FADS2: variants seen among roughly 807,000 people sequenced by gnomAD.
FADS2 encodes the protein acyl-CoA 6-desaturase.
FADS2 carries 18 observed loss-of-function variants against 61.2 expected under a neutral mutation model. The observed-to-expected ratio is 0.29, with a 90% CI of 0.20 to 0.44. FADS2 has a LOEUF of 0.44. Among genes scored for constraint, FADS2 ranks in the 20% least tolerant of loss-of-function variants. The probability of loss-of-function intolerance (pLI) is 1.00; values close to 1 mark genes in which losing one functional copy is unlikely to be tolerated. For synonymous variants in FADS2, 203 were observed against 223.9 expected (o/e 0.91, Z 0.83); for missense variants, 322 against 572.7 (o/e 0.56, Z 4.47).
chr11:61,839,224 G>A (rs1189346974), intron 2 of FADS2, among the ~76,000 whole-genome samples: 3 of 151,970 alleles, frequency 2.0e-5, no homozygotes, highest in South Asian at 2.1e-4. Context: ...AGTTTGTGTC[G>A]CCCCCAACTC....
rs779018525 is a variant in FADS2 at position 61,863,689 on chromosome 11, C to G, written c.1078-18C>G. On this transcript the variant is annotated intron_variant, in intron 9 of 11. Transcript: ENST00000278840. ...GGGCCTTCCTTTGTTCCCTGACACT[C>G]ATCCCCTCCACTGACAGCTGACAGC... 2 of 1,609,934 alleles carry G rather than the reference C, an allele frequency of 1.2e-6. No individual in the cohort carries two copies. The highest frequency in any genetic ancestry group is 2.7e-5 in the African/African-American group (2 of 74,998).
chr11:61,848,254 G>A lies in FADS2; in HGVS notation c.714G>A (p.Val238=), dbSNP rs1258036120. The part of the protein sequence containing the change: ...HKDPDVNMLH[V]FVLGEWQPIE... Reference sequence around the variant, plus strand: ...ATCCCGATGTGAACATGCTGCACGTGTTTGTTCTGGGCGAATGGCAGCCCA... The same window carrying A: ...ATCCCGATGTGAACATGCTGCACGTATTTGTTCTGGGCGAATGGCAGCCCA... Residue 238 remains valine (V), a synonymous_variant, in exon 5 of 12, where the codon GTG becomes GTA. Coordinates refer to ENST00000278840, the MANE Select transcript of FADS2 (RefSeq NM_004265.4). 6.2e-7 allele frequency: 1 copy of A among 1,614,096 alleles called. No individual in the cohort carries two copies. Among genetic ancestry groups the A allele is most frequent in the Non-Finnish European group, 8.5e-7 (1 of 1,180,048 alleles).
rs183338512 is a variant in FADS2, at chr11:61,861,211, G to A, written c.883-1761G>A. On this transcript the variant is annotated intron_variant, in intron 7 of 11. Coordinates refer to ENST00000278840, the MANE Select transcript of FADS2 (RefSeq NM_004265.4). ...CCACTAAAAATACAAAAAATTATCC[G>A]GGCGTGGTGGCGGGCACCTGTAGAC... is the stretch of plus-strand genomic sequence containing the variant. Among the ~76,000 whole-genome samples the A allele has an allele frequency of 9.2e-3, 1,394 of 151,480 alleles. 19 individuals carry two copies. The highest frequency in any genetic ancestry group is 0.03 in the African/African-American group (1,226 of 41,322).
intron 7 of FADS2, 106 bp from the exon 8 acceptor site, chr11:61,862,866 C>A: frequency 1.1e-6 from 1 of 876,306 alleles, no homozygotes. Flanking sequence ...GGCTGCGGTC[C>A]AGCTTCTAGA....
chr11:61,852,489 G>A (rs561594305), intron 5 of FADS2, among the ~76,000 whole-genome samples: 1 of 152,116 alleles, frequency 6.6e-6, no homozygotes, highest in African/African-American at 2.4e-5. Context: ...TCGAACTCCT[G>A]ACCTCAAGTG....
chr11:61,856,771 C>T (rs1200325416), intron 5 of FADS2: 3 of 531,194 alleles, frequency 5.6e-6, no homozygotes, highest in Non-Finnish European at 6.7e-6. Flanking sequence ...AGGATCGATG[C>T]CATCGGGCCA....
At position 61,865,383 on chromosome 11, in the gene FADS2, C is replaced by A; in HGVS notation, c.1283+106C>A. On this transcript the variant is annotated intron_variant, in intron 11 of 11. Transcript: ENST00000278840. The surrounding 1 kb of genome is among the most constrained non-coding windows in gnomAD (Gnocchi z 4.1). ...CTCCTGGCACAGTCACCCACCAGGG[C>A]ACCTGCCTTACTCCCGAGCCTGTGT... 1 of 1,390,260 alleles carries A rather than the reference C, an allele frequency of 7.2e-7. No homozygotes were observed. The highest frequency in any genetic ancestry group is 2.1e-5 in the Admixed American group (1 of 46,692). The allele number at this position is 1,390,260 out of a possible 1,614,324, so 86.1% of individuals were successfully genotyped here.
chr11:61,820,947 A>T (rs2067032438), intron 1 of FADS2, among the ~76,000 whole-genome samples: 1 of 152,188 alleles, frequency 6.6e-6, no homozygotes, highest in African/African-American at 2.4e-5. Context: ...TGATGATTTC[A>T]ACCTGAAAAA....
At chr11:61,837,525 T>C (rs1411186489) in intron 1 of FADS2, among the ~76,000 whole-genome samples, 1 of 152,232 alleles carries the variant, frequency 6.6e-6, no homozygotes, top group Admixed American at 6.5e-5. Context: ...TATGCATCTA[T>C]TCACAAACCC....
At chr11:61,827,848 C>T (rs2067096344), upstream of FADS2, 1 of 178,678 alleles carries the variant, frequency 5.6e-6, no homozygotes, top group Non-Finnish European at 1.1e-5. The surrounding 1 kb of genome is among the most constrained non-coding windows in gnomAD (Gnocchi z 4.5). Context: ...GGACACGTAG[C>T]CTGCCTCGCA....
chr11:61,839,684 T>C (rs1814684889), intron 2 of FADS2, among the ~76,000 whole-genome samples: 1 of 152,202 alleles, frequency 6.6e-6, no homozygotes, highest in Non-Finnish European at 1.5e-5. Flanking sequence ...ACATTTACAT[T>C]GTTATGTAAC....
At chr11:61,836,801 TTGAC>T (rs1327315459) in intron 1 of FADS2, among the ~76,000 whole-genome samples, 1 of 152,268 alleles carries the variant, frequency 6.6e-6, no homozygotes, top group Admixed American at 6.5e-5. Context: ...ATGGTGGAGT[TTGAC>T]TGGTTTGCCA....
intron 1 of FADS2, among the ~76,000 whole-genome samples, chr11:61,823,051 T>G (rs1228945427): frequency 6.6e-6 from 1 of 152,246 alleles, no homozygotes; most frequent in Non-Finnish European, 1.5e-5. Flanking sequence ...GCACTTAGTA[T>G]GCATTCCTTA....
At chr11:61,857,600 A>G (rs1188583836) in intron 7 of FADS2, 70 bp downstream of exon 7, 1 of 1,358,278 alleles carries the variant, frequency 7.4e-7, no homozygotes, top group Non-Finnish European at 1.1e-6. Flanking sequence ...CGGGGGTCCT[A>G]CGCTGCCTCC....
chr11:61,817,103 G>T, intron 1 of FADS2: 1 of 686,496 alleles, frequency 1.5e-6, no homozygotes, highest in Non-Finnish European at 2.2e-6. Context: ...GGGGCGCCGC[G>T]GTAGGAACAG....
upstream of FADS2, among the ~76,000 whole-genome samples, chr11:61,825,302 T>C (rs2067075039): frequency 2.6e-5 from 4 of 151,766 alleles, no homozygotes; most frequent in Admixed American, 2.6e-4. Flanking sequence ...CTCCAACTAA[T>C]GCGGTCTTGA....
intron 7 of FADS2, among the ~76,000 whole-genome samples, chr11:61,859,677 A>G (rs903690352): frequency 6.6e-6 from 1 of 151,900 alleles, no homozygotes; most frequent in African/African-American, 2.4e-5. Context: ...CTAGCATCCA[A>G]TCCCGTTCTA....
At chr11:61,823,283 A>G (rs761499242) in intron 1 of FADS2, among the ~76,000 whole-genome samples, 2 of 152,218 alleles carry the variant, frequency 1.3e-5, no homozygotes, top group Non-Finnish European at 2.9e-5. Context: ...GCAATGTGGT[A>G]GAATGGAAAG....
chr11:61,823,809 G>A (rs887182438), upstream of FADS2, among the ~76,000 whole-genome samples: 5 of 152,090 alleles, frequency 3.3e-5, no homozygotes, highest in African/African-American at 7.2e-5. Context: ...GAGCCACCAC[G>A]CCTGGCCTAA....
Sources: gnomAD v4.1 joint callset for allele counts (sites outside exome capture counted in the v4.1 genomes callset) on GRCh38, gnomAD v4.1.1 for gene constraint, Gnocchi (gnomAD v3.1) non-coding constraint, MANE v1.5 for transcripts, NCBI Gene and HGNC (gene_info 2026-07-23, HGNC 2026-07-21) for gene names.